Variants in PTBP2 observed in about 807,000 individuals in gnomAD.
PTBP2 encodes polypyrimidine tract-binding protein 2.
PTBP2 carries 13 observed loss-of-function variants against 61.4 expected under a neutral mutation model. That is an observed-to-expected ratio of 0.21 (90% CI 0.14 to 0.34). The LOEUF is 0.34. PTBP2 is among the 10% of genes least tolerant of loss of function. PTBP2 has a pLI of 1.00. For synonymous variants in PTBP2, 215 were observed against 218.5 expected (o/e 0.98, Z 0.14); for missense variants, 405 against 642.6 (o/e 0.63, Z 4.00).
chr1:96,794,209 A>G (rs1406437125), intron 8 of PTBP2, among the ~76,000 whole-genome samples: 2 of 152,180 alleles, frequency 1.3e-5, no homozygotes, highest in Non-Finnish European at 2.9e-5. Context: ...CTTAGGGTTA[A>G]TATTTTTAAG....
chr1:96,800,597 G>A (rs1015107274), intron 8 of PTBP2, among the ~76,000 whole-genome samples: 4 of 151,980 alleles, frequency 2.6e-5, no homozygotes, highest in East Asian at 1.9e-4. Flanking sequence ...AGCCATGCCT[G>A]GTGGCATGTG....
intron 3 of PTBP2, among the ~76,000 whole-genome samples, chr1:96,754,945 G>C (rs1245067389): frequency 6.6e-6 from 1 of 152,062 alleles, no homozygotes; most frequent in Non-Finnish European, 1.5e-5. Context: ...GGATTAAGCA[G>C]GAATGTATTT....
intron 8 of PTBP2, among the ~76,000 whole-genome samples, chr1:96,803,701 AAAGGT>A (rs2101185746): frequency 6.6e-6 from 1 of 152,306 alleles, no homozygotes; most frequent in South Asian, 2.1e-4. Context: ...CTCTAAAACC[AAAGGT>A]AACAGCAGAT....
chr1:96,750,175 C>T (rs1174905031), intron 2 of PTBP2, among the ~76,000 whole-genome samples: 2 of 151,778 alleles, frequency 1.3e-5, no homozygotes, highest in Non-Finnish European at 2.9e-5. Context: ...CAGGTCTAAT[C>T]TTAGGATTAG....
intron 5 of PTBP2, 31 bp downstream of exon 5, chr1:96,770,882 G>A (rs747800531): frequency 2.0e-6 from 3 of 1,509,532 alleles, no homozygotes; most frequent in Middle Eastern, 1.9e-4. Context: ...AAATAAAATG[G>A]CCTAGAACAT....
intron 2 of PTBP2, among the ~76,000 whole-genome samples, chr1:96,728,175 C>T (rs561964454): frequency 5.9e-5 from 9 of 151,958 alleles, no homozygotes; most frequent in East Asian, 1.9e-4. Flanking sequence ...TTTATAGACC[C>T]GGGGTCTCTC....
At chr1:96,804,638 GCAAA>G (rs1427548822) in intron 8 of PTBP2, 158 bp from the exon 9 acceptor site, 3 of 605,120 alleles carry the variant, frequency 5.0e-6, no homozygotes, top group Admixed American at 6.3e-5. Context: ...CTACACATCA[GCAAA>G]CAATTTTTCT....
Position 96,807,022 on chromosome 1 carries a change from G to A in PTBP2, c.1171+64G>A, listed in dbSNP as rs1054924280. On this transcript the variant is annotated intron_variant, in intron 11 of 13. Coordinates refer to ENST00000674951, the MANE Select transcript of PTBP2 (RefSeq NM_021190.4). ...CTGCTTTCAAATGCATAATGTGAATGTGCGAATAAAAATAAACTCCTTTAC... is the reference window on the plus strand; with the variant it reads ...CTGCTTTCAAATGCATAATGTGAATATGCGAATAAAAATAAACTCCTTTAC... 6.4e-6 allele frequency: 8 copies of A among 1,258,050 alleles called. No individual in the cohort carries two copies. In the African/African-American group the frequency reaches 1.1e-4, roughly 17 times the overall value. 77.9% of individuals were successfully genotyped at this position (1,258,050 alleles called of 1,614,324 possible).
At chr1:96,751,335 G>A (rs775598837) in intron 2 of PTBP2, 90 bp from the exon 3 acceptor site, 2 of 1,000,606 alleles carry the variant, frequency 2.0e-6, no homozygotes, top group Middle Eastern at 5.6e-4. Context: ...ATTCCCAATA[G>A]TGTAACATTT....
At chr1:96,749,478 G>A (rs1570778076) in intron 2 of PTBP2, 2 of 314,674 alleles carry the variant, frequency 6.4e-6, no homozygotes, top group Admixed American at 3.9e-5. Flanking sequence ...TTTTGTTCAG[G>A]TGAGTAAAAC....
chr1:96,819,179 C>T (rs1057459151), downstream of PTBP2: 1 of 151,852 alleles, frequency 6.6e-6, no homozygotes, highest in Non-Finnish European at 1.5e-5. Context: ...TCATAAATAG[C>T]TTTTCTATTA....
chr1:96,790,026 G>A (rs1026806762), intron 8 of PTBP2, among the ~76,000 whole-genome samples: 7 of 152,062 alleles, frequency 4.6e-5, no homozygotes, highest in African/African-American at 1.7e-4. Flanking sequence ...CCTATGGAGG[G>A]CCGCACATAG....
intron 2 of PTBP2, among the ~76,000 whole-genome samples, chr1:96,734,161 A>G (rs1015794366): frequency 1.3e-5 from 2 of 152,188 alleles, no homozygotes; most frequent in Admixed American, 6.5e-5. Flanking sequence ...ACACAATAGT[A>G]TCATGAACCA....
intron 7 of PTBP2, among the ~76,000 whole-genome samples, chr1:96,783,504 CTT>C (rs1557749894): frequency 6.6e-6 from 1 of 152,038 alleles, no homozygotes; most frequent in African/African-American, 2.4e-5. Context: ...TCCTAAAAAA[CTT>C]AGTGTGTGTT....
rs926482968 is a variant in PTBP2, at chr1:96,723,597, A to G, written c.39+3A>G. 1 of 1,566,238 alleles carries G rather than the reference A, an allele frequency of 6.4e-7. No individual in the cohort carries two copies. Among genetic ancestry groups the G allele is most frequent in the Admixed American group, 1.7e-5 (1 of 59,510 alleles). ...CTGAGGTTGCAGTTGGCGTGAAGGT[A>G]GGAAAATACTATGTTTGAAACTGGG... On this transcript the variant is annotated splice_donor_region_variant and intron_variant, in intron 2 of 13. Transcript: ENST00000674951.
chr1:96,804,882 G>C lies in PTBP2; in HGVS notation c.987G>C (p.Met329Ile). ...CAGCTGCTGCTGGCCGAGTGGGTAT[G>C]CCTGGAGTCTCAGCTGGTGGCAATA... ...AAAAAAGRVG[M>I]PGVSAGGNTV... Residue 329 changes from methionine (M) to isoleucine (I), a missense_variant, in exon 9 of 14, where the codon ATG becomes ATC. This residue lies in a region of PTBP2 where 342 missense variants were observed against 491.2 expected (regional missense o/e 0.70). Coordinates refer to ENST00000674951, the MANE Select transcript of PTBP2 (RefSeq NM_021190.4). The C allele has an allele frequency of 1.2e-6, 2 of 1,611,762 alleles. No individual in the cohort carries two copies. The highest frequency in any genetic ancestry group is 1.7e-6 in the Non-Finnish European group (2 of 1,178,694).
intron 3 of PTBP2, among the ~76,000 whole-genome samples, chr1:96,761,711 C>A (rs1192800399): frequency 6.6e-6 from 1 of 151,820 alleles, no homozygotes; most frequent in African/African-American, 2.4e-5. Context: ...AAAGAATAAT[C>A]CGCTACTGTT....
At chr1:96,804,102 A>G (rs948127059) in intron 8 of PTBP2, among the ~76,000 whole-genome samples, 1 of 152,202 alleles carries the variant, frequency 6.6e-6, no homozygotes, top group Non-Finnish European at 1.5e-5. Context: ...AAATGATAAC[A>G]TAGATTGGGA....
chr1:96,722,481 A>G (rs1429495059), intron 1 of PTBP2, among the ~76,000 whole-genome samples: 10 of 148,280 alleles, frequency 6.7e-5, no homozygotes, highest in Non-Finnish European at 1.5e-4. Flanking sequence ...GGGGGAGGGC[A>G]GATGTCATAC....
Sources: gnomAD v4.1 joint callset for allele counts (sites outside exome capture counted in the v4.1 genomes callset) on GRCh38, gnomAD v4.1.1 for gene constraint, gnomAD v4.1.1 regional missense constraint, MANE v1.5 for transcripts, NCBI Gene and HGNC (gene_info 2026-07-23, HGNC 2026-07-21) for gene names.